ZNF337: variants seen among roughly 807,000 people sequenced by gnomAD.
ZNF337 encodes the protein zinc finger protein 337.
In ZNF337, 8 loss-of-function variants were observed where a neutral mutation model predicts 12.1. The observed-to-expected ratio is 0.66, with a 90% confidence interval of 0.39 to 1.19. The LOEUF (loss-of-function observed/expected upper bound fraction) is 1.19. Among genes scored for constraint, ZNF337 ranks in the 50% most tolerant of loss-of-function variants. The pLI is 0.01. For synonymous variants in ZNF337, 336 were observed against 320.0 expected, an observed-to-expected ratio of 1.05 and a Z score of -0.53; for missense variants, 882 against 896.6, an observed-to-expected ratio of 0.98 and a Z score of 0.21.
chr20:25,676,360 G>A lies in ZNF337; in HGVS notation c.928C>T (p.His310Tyr). The A allele has an allele frequency of 1.2e-6, 2 of 1,614,152 alleles. No individual in the cohort carries two copies. Among genetic ancestry groups the A allele is most frequent in the South Asian group, 1.1e-5 (1 of 91,082 alleles). ...RFNDKSSYNK[H>Y]LKAHSGEKPF... ...TTCTCCCCTGAATGCGCCTTCAAGT[G>A]CTTGTTGTATGAGGACTTATCGTTA... The change falls in exon 5 of 5, where the codon CAC becomes TAC. Residue 310 changes from histidine to tyrosine, a missense_variant. Physicochemically the swap from His to Tyr is moderately conservative, Grantham distance 83. Transcript: ENST00000252979.
At chr20:25,685,117 AATT>A (rs2065814019) in intron 4 of ZNF337, among the ~76,000 whole-genome samples, 1 of 144,500 alleles carries the variant, frequency 6.9e-6, no homozygotes, top group African/African-American at 2.9e-5. Context: ...CCAGAACTTA[AATT>A]AAAAAAAAAA....
intron 4 of ZNF337, among the ~76,000 whole-genome samples, chr20:25,683,381 T>C (rs1432531033): frequency 1.3e-5 from 2 of 151,728 alleles, no homozygotes; most frequent in Non-Finnish European, 2.9e-5. Context: ...AGGAGGAAGG[T>C]GAAGTGACCT....
At chr20:25,678,591 C>G (rs981685518) in intron 4 of ZNF337, among the ~76,000 whole-genome samples, 2 of 152,116 alleles carry the variant, frequency 1.3e-5, no homozygotes, top group African/African-American at 4.8e-5. Flanking sequence ...AGGCATCATA[C>G]TACCTCACTT....
At chr20:25,688,116 T>C (rs567093449) in intron 1 of ZNF337, among the ~76,000 whole-genome samples, 2 of 152,280 alleles carry the variant, frequency 1.3e-5, no homozygotes, top group Non-Finnish European at 2.9e-5. Context: ...TTACCTTTCA[T>C]GTCCCATCTG....
Position 25,696,100 on chromosome 20 carries a change from C to A in ZNF337, c.-50+659G>T, listed in dbSNP as rs985720062. The stretch of plus-strand genomic sequence containing the variant: ...GCCCCACGCAGATCCCCCCCCCCCC[C>A]CACCAAAACACGTCTAGACGTGCCC... On this transcript the variant is annotated intron_variant, in intron 1 of 4. Coordinates refer to ENST00000252979, the MANE Select transcript of ZNF337 (RefSeq NM_015655.4). Among the ~76,000 whole-genome samples, 37 of 121,778 alleles carry A rather than the reference C, an allele frequency of 3.0e-4. No homozygotes were observed. In the East Asian group the frequency reaches 1.0e-2, roughly 33 times the overall value. 79.9% of individuals were successfully genotyped at this position (121,778 alleles called of 152,430 possible). A position where few individuals can be genotyped will look rare whatever the true frequency, so the allele number is the denominator to read the frequency against.
chr20:25,676,778 T>C lies in ZNF337; in HGVS notation c.510A>G (p.Lys170=). 1 of 1,614,232 alleles carries C rather than the reference T, an allele frequency of 6.2e-7. No homozygotes were observed. Among genetic ancestry groups the C allele is most frequent in the South Asian group, 1.1e-5 (1 of 91,082 alleles). Residue 170 remains lysine (K), a synonymous_variant, in exon 5 of 5, where the codon AAA becomes AAG. Coordinates refer to ENST00000252979, the MANE Select transcript of ZNF337 (RefSeq NM_015655.4). Reference sequence around the variant, plus strand: ...CTCCCCATCTTGAATTTTCTATTCCTTTCAATACTTTGTCTATTTCTGTAG... The same window carrying C: ...CTCCCCATCTTGAATTTTCTATTCCCTTCAATACTTTGTCTATTTCTGTAG... The part of the protein sequence containing the change: ...ENPTEIDKVL[K]GIENSRWGAF...
Position 25,676,583 on chromosome 20 carries a change from G to A in ZNF337, c.705C>T (p.Ser235=), listed in dbSNP as rs765186685. The change falls in exon 5 of 5, where the codon TCC becomes TCT. Residue 235 remains serine (S), a synonymous_variant. Coordinates refer to ENST00000252979, the MANE Select transcript of ZNF337 (RefSeq NM_015655.4). ...LHQNTHTGEK[S]YVCSVCGRGF... ...CTCGCCCACACACACTGCACACATA[G>A]GACTTCTCTCCTGTGTGTGTGTTCT... is the stretch of plus-strand genomic sequence containing the variant. 6.2e-7 allele frequency: 1 copy of A among 1,613,986 alleles called. No individual in the cohort carries two copies. Among genetic ancestry groups the A allele is most frequent in the East Asian group, 2.2e-5 (1 of 44,866 alleles).
chr20:25,695,512 CT>C (rs2065914697), intron 1 of ZNF337, among the ~76,000 whole-genome samples: 1 of 152,124 alleles, frequency 6.6e-6, no homozygotes, highest in Non-Finnish European at 1.5e-5. Flanking sequence ...GATATACCAG[CT>C]TTTTGGGAGG....
At chr20:25,687,292 G>A (rs898870825) in intron 1 of ZNF337, among the ~76,000 whole-genome samples, 4 of 152,052 alleles carry the variant, frequency 2.6e-5, no homozygotes, top group Non-Finnish European at 4.4e-5. Context: ...TGAATAATGT[G>A]TACTGGGTTC....
Position 25,676,943 on chromosome 20 carries a change from A to G in ZNF337, c.345T>C (p.Ser115=), listed in dbSNP as rs149491697. ...CTTTCTCTTGACCTTCAGCTGTGTCACTCTGGAAGCTTTGATCAGAAAATT... is the reference window on the plus strand; with the variant it reads ...CTTTCTCTTGACCTTCAGCTGTGTCGCTCTGGAAGCTTTGATCAGAAAATT... ...QLQFSDQSFQ[S]DTAEGQEKEK... Residue 115 remains serine, a synonymous_variant, in exon 5 of 5, where the codon AGT becomes AGC. Coordinates refer to ENST00000252979, the MANE Select transcript of ZNF337 (RefSeq NM_015655.4). 1,142 of 1,613,748 alleles carry G rather than the reference A, an allele frequency of 7.1e-4. 1 individual carries two copies. Among genetic ancestry groups the G allele is most frequent in the Non-Finnish European group, 9.4e-4 (1,109 of 1,179,984 alleles).
intron 4 of ZNF337, among the ~76,000 whole-genome samples, chr20:25,683,050 C>G (rs1340332385): frequency 6.6e-6 from 1 of 152,018 alleles, no homozygotes; most frequent in Non-Finnish European, 1.5e-5. Context: ...ATAGAGAAAA[C>G]TAAATTTATC....
Position 25,677,969 on chromosome 20 carries a change from T to C in ZNF337, c.251-932A>G, listed in dbSNP as rs548215118. On this transcript the variant is annotated intron_variant, in intron 4 of 4. Coordinates refer to ENST00000252979, the MANE Select transcript of ZNF337 (RefSeq NM_015655.4). ...GGGGAAAAGATAAAAGTCTTTCCTC[T>C]AAGAACTGGAAGAAGATTCGAATGT... is the stretch of plus-strand genomic sequence containing the variant. 3 of 152,276 alleles carry C rather than the reference T, an allele frequency of 2.0e-5. No individual in the cohort carries two copies. In the East Asian group the frequency reaches 5.8e-4, roughly 29 times the overall value. 9.4% of individuals were successfully genotyped at this position (152,276 alleles called of 1,614,324 possible).
In ZNF337 at chr20:25,676,737, T is replaced by A; in HGVS notation, c.551A>T (p.Glu184Val). 1 of 1,614,242 alleles carries A rather than the reference T, an allele frequency of 6.2e-7. No individual in the cohort carries two copies. The highest frequency in any genetic ancestry group is 8.5e-7 in the Non-Finnish European group (1 of 1,180,046). The change falls in exon 5 of 5, where the codon GAG (glutamate) becomes GTG (valine). Residue 184 changes from glutamate (E) to valine (V), a missense_variant. By Grantham distance (121) the Glu-to-Val change is moderately radical. Transcript: ENST00000252979. Reference sequence around the variant, plus strand: ...CTTCCGGCTGAAGTCTTGCCCACGCTCTGCACACTTGAATGCTCCCCATCT... The same window carrying A: ...CTTCCGGCTGAAGTCTTGCCCACGCACTGCACACTTGAATGCTCCCCATCT... ...NSRWGAFKCA[E>V]RGQDFSRKMM...
In ZNF337 at chr20:25,676,973, T is replaced by G; in HGVS notation, c.315A>C (p.Gln105His). ...GGAAGCTTTGATCAGAAAATTGTAG[T>G]TGCTGTTGCCTCTGATGTGCAAGTC... ...NLGLAHQRQQ[Q>H]LQFSDQSFQS... The change falls in exon 5 of 5, where the codon CAA (glutamine) becomes CAC (histidine). Residue 105 changes from glutamine to histidine, a missense_variant. By Grantham distance (24) the Gln-to-His change is conservative. Coordinates refer to ENST00000252979, the MANE Select transcript of ZNF337 (RefSeq NM_015655.4). 3 of 1,614,104 alleles carry G rather than the reference T, an allele frequency of 1.9e-6. No individual in the cohort carries two copies. The highest frequency in any genetic ancestry group is 2.5e-6 in the Non-Finnish European group (3 of 1,180,008).
intron 1 of ZNF337, among the ~76,000 whole-genome samples, chr20:25,692,024 G>A (rs1463757221): frequency 6.6e-6 from 1 of 152,076 alleles, no homozygotes; most frequent in Non-Finnish European, 1.5e-5. Context: ...GGAAGGAAGG[G>A]AAGGAAAAAG....
intron 4 of ZNF337, 27 bp downstream of exon 4, chr20:25,685,540 C>T: frequency 6.3e-7 from 1 of 1,593,766 alleles, no homozygotes; most frequent in Non-Finnish European, 8.6e-7. Context: ...GTGCCTTGTG[C>T]TCTGTCTGCC....
rs907449173 is a variant in ZNF337 at position 25,686,047 on chromosome 20, C to T, written c.103G>A (p.Ala35Thr). 1.9e-6 allele frequency: 3 copies of T among 1,614,010 alleles called. No individual in the cohort carries two copies. The highest frequency in any genetic ancestry group is 2.5e-6 in the Non-Finnish European group (3 of 1,179,934). ...TCCAGTGTCACCTCCCTGTACAGGGCCCTCTGAGCAGGGCTCAGCAGCCTC... is the reference window on the plus strand; with the variant it reads ...TCCAGTGTCACCTCCCTGTACAGGGTCCTCTGAGCAGGGCTCAGCAGCCTC... ...EWRLLSPAQR[A>T]LYREVTLENY... The change falls in exon 3 of 5, where the codon GCC (alanine) becomes ACC (threonine). Residue 35 changes from alanine to threonine, a missense_variant. By Grantham distance (58) the Ala-to-Thr change is moderately conservative (BLOSUM62 0). Transcript: ENST00000252979.
chr20:25,681,996 AGATC>A (rs1264258659), intron 4 of ZNF337, among the ~76,000 whole-genome samples: 4 of 152,336 alleles, frequency 2.6e-5, no homozygotes, highest in Admixed American at 6.5e-5. Context: ...TGTAGGTGGC[AGATC>A]GACAGGTGTT....
At position 25,675,459 on chromosome 20, in the gene ZNF337, A is replaced by G. The variant is rs1569004272; in HGVS notation, c.1829T>C (p.Ile610Thr). ...FICSECGQGF[I>T]WKSNLVKHQL... is the part of the protein sequence containing the mutation. Reference sequence around the variant, plus strand: ...GTGTTTCACAAGATTTGACTTCCAGATAAATCCTTGCCCACATTCACTACA... The same window carrying G: ...GTGTTTCACAAGATTTGACTTCCAGGTAAATCCTTGCCCACATTCACTACA... Residue 610 changes from isoleucine to threonine, a missense_variant, in exon 5 of 5, where the codon ATC (isoleucine) becomes ACC (threonine). Physicochemically the swap from Ile to Thr is moderately conservative, Grantham distance 89 (BLOSUM62 -1). Transcript: ENST00000252979. 1.2e-6 allele frequency: 2 copies of G among 1,613,356 alleles called. No individual in the cohort carries two copies. The highest frequency in any genetic ancestry group is 1.7e-6 in the Non-Finnish European group (2 of 1,179,858).
Sources: allele counts gnomAD v4.1 joint callset (sites outside exome capture counted in the v4.1 genomes callset), GRCh38; gene constraint gnomAD v4.1.1; transcripts MANE v1.5; gene names NCBI Gene and HGNC (gene_info 2026-07-23, HGNC 2026-07-21).